Variants in ZFPM2 observed in about 807,000 individuals in gnomAD.
ZFPM2 encodes the protein zinc finger protein, FOG family member 2.
A neutral mutation model predicts 98.6 loss-of-function variants in ZFPM2; 20 were observed. The observed-to-expected ratio is 0.20, with a 90% CI of 0.14 to 0.29. The LOEUF (loss-of-function observed/expected upper bound fraction) is 0.29, where lower values mean the gene tolerates loss of function less well. Among genes scored for constraint, ZFPM2 ranks in the 10% least tolerant of loss-of-function variants. ZFPM2 has a pLI of 1.00. For missense variants in ZFPM2, 1,310 were observed against 1,388.6 expected, an observed-to-expected ratio of 0.94 and a Z score of 0.90; for synonymous variants, 518 against 502.7, an observed-to-expected ratio of 1.03 and a Z score of -0.41.
At chr8:105,778,086 T>C (rs1403822627) in intron 5 of ZFPM2, among the ~76,000 whole-genome samples, 1 of 152,194 alleles carries the variant, frequency 6.6e-6, no homozygotes, top group Non-Finnish European at 1.5e-5. Context: ...AAAGCGGTTT[T>C]CAAAGAAGGG....
intron 4 of ZFPM2, among the ~76,000 whole-genome samples, chr8:105,570,890 C>A (rs1815340055): frequency 6.6e-6 from 1 of 152,148 alleles, no homozygotes; most frequent in Non-Finnish European, 1.5e-5. Flanking sequence ...CAAGTTTGAA[C>A]TTTTAAAAAG....
At chr8:105,334,377 C>G (rs1399407219) in intron 1 of ZFPM2, among the ~76,000 whole-genome samples, 2 of 151,432 alleles carry the variant, frequency 1.3e-5, no homozygotes, top group Admixed American at 1.3e-4. Flanking sequence ...ATAAATGTTT[C>G]TATAGTTATC....
At chr8:105,427,942 A>G (rs777943622) in intron 2 of ZFPM2, among the ~76,000 whole-genome samples, 2 of 152,184 alleles carry the variant, frequency 1.3e-5, no homozygotes, top group Non-Finnish European at 2.9e-5. Context: ...CTTCCTGTGT[A>G]TGTATCATCT....
At chr8:105,725,691 T>G (rs1224779116) in intron 5 of ZFPM2, among the ~76,000 whole-genome samples, 1 of 151,674 alleles carries the variant, frequency 6.6e-6, no homozygotes, top group African/African-American at 2.4e-5. Flanking sequence ...AGAAGCCAAT[T>G]CCTATGACTT....
At chr8:105,790,845 T>A (rs1339419545) in intron 6 of ZFPM2, among the ~76,000 whole-genome samples, 2 of 152,212 alleles carry the variant, frequency 1.3e-5, no homozygotes, top group Non-Finnish European at 2.9e-5. Context: ...TATTTTATTC[T>A]CTTTGAAGCA....
intron 4 of ZFPM2, among the ~76,000 whole-genome samples, chr8:105,619,988 A>T (rs920063404): frequency 1.3e-5 from 2 of 152,222 alleles, no homozygotes; most frequent in African/African-American, 4.8e-5. Context: ...GCTGCAATAA[A>T]TATACGTGTG....
intron 4 of ZFPM2, among the ~76,000 whole-genome samples, chr8:105,594,950 C>A (rs1421023880): frequency 2.6e-5 from 4 of 151,980 alleles, no homozygotes; most frequent in African/African-American, 9.7e-5. Context: ...AAGATGATTT[C>A]TGATGGAGGA....
intron 2 of ZFPM2, among the ~76,000 whole-genome samples, chr8:105,421,787 T>C (rs1330391588): frequency 6.6e-6 from 1 of 152,162 alleles, no homozygotes; most frequent in African/African-American, 2.4e-5. Context: ...GGCCGGTGAC[T>C]CACGCCTGTA....
chr8:105,644,543 C>T (rs781685380), intron 5 of ZFPM2, among the ~76,000 whole-genome samples: 69 of 152,092 alleles, frequency 4.5e-4, no homozygotes, highest in Admixed American at 9.8e-4. Flanking sequence ...GCTCCCCATA[C>T]CCCCATCACC....
At chr8:105,462,681 G>A (rs1247598681) in intron 3 of ZFPM2, among the ~76,000 whole-genome samples, 1 of 152,040 alleles carries the variant, frequency 6.6e-6, no homozygotes, top group African/African-American at 2.4e-5. Flanking sequence ...ACTAAGTGTT[G>A]TGTAAGCAAT....
At chr8:105,439,911 G>C (rs2130186128) in intron 2 of ZFPM2, among the ~76,000 whole-genome samples, 1 of 152,292 alleles carries the variant, frequency 6.6e-6, no homozygotes, top group African/African-American at 2.4e-5. Context: ...CACCTAAGTG[G>C]TAAATAATTG....
At chr8:105,658,780 CTT>C (rs1310130622) in intron 5 of ZFPM2, among the ~76,000 whole-genome samples, 1 of 152,008 alleles carries the variant, frequency 6.6e-6, no homozygotes, top group African/African-American at 2.4e-5. Flanking sequence ...CTTTATTTCT[CTT>C]TGTCTTATTA....
intron 3 of ZFPM2, among the ~76,000 whole-genome samples, chr8:105,494,183 GTATA>G (rs61035457): frequency 0.045 from 2,686 of 59,832 alleles, 71 homozygotes; most frequent in South Asian, 0.064. Flanking sequence ...GCCACCAAAA[GTATA>G]TATATATATA....
chr8:105,786,350 T>C (rs1237742574), intron 5 of ZFPM2, among the ~76,000 whole-genome samples: 3 of 152,206 alleles, frequency 2.0e-5, no homozygotes, highest in Non-Finnish European at 2.9e-5. Context: ...TGTGATATTG[T>C]AATATATTTG....
chr8:105,347,665 C>T (rs1812564167), intron 1 of ZFPM2, among the ~76,000 whole-genome samples: 1 of 152,140 alleles, frequency 6.6e-6, no homozygotes, highest in African/African-American at 2.4e-5. Flanking sequence ...ACAGACATGG[C>T]ATATGTCAGA....
chr8:105,336,688 CCACACACACACACACACA>C (rs139930523), intron 1 of ZFPM2, among the ~76,000 whole-genome samples: 3 of 142,254 alleles, frequency 2.1e-5, no homozygotes, highest in African/African-American at 7.7e-5. Context: ...GTAATATACT[CCACACACACACACACACA>C]CACACACACA....
intron 3 of ZFPM2, among the ~76,000 whole-genome samples, chr8:105,470,776 TA>T (rs559014486): frequency 1.1e-4 from 16 of 148,510 alleles, no homozygotes; most frequent in East Asian, 2.0e-4. Flanking sequence ...AGACTTCATC[TA>T]AAAAAAAAAT....
intron 5 of ZFPM2, among the ~76,000 whole-genome samples, chr8:105,766,503 G>T (rs533653989): frequency 6.6e-6 from 1 of 151,822 alleles, no homozygotes; most frequent in Non-Finnish European, 1.5e-5. Context: ...GCATAAGTGC[G>T]CAGCTCTGGT....
intron 4 of ZFPM2, among the ~76,000 whole-genome samples, chr8:105,581,990 T>A (rs1390295297): frequency 6.6e-6 from 1 of 152,242 alleles, no homozygotes; most frequent in Non-Finnish European, 1.5e-5. Flanking sequence ...AGATCATGCC[T>A]GTTAGGATCA....
Sources: allele counts gnomAD v4.1 joint callset (sites outside exome capture counted in the v4.1 genomes callset), GRCh38; gene constraint gnomAD v4.1.1; transcripts MANE v1.5; gene names NCBI Gene and HGNC (gene_info 2026-07-23, HGNC 2026-07-21).